The following MORN5 variants were observed in gnomAD, a reference collection of about 807,000 sequenced individuals.
MORN5 encodes the protein MORN repeat containing 5, also known as MORN repeat-containing protein 5.
MORN5 carries 21 observed loss-of-function variants against 22.1 expected under a neutral mutation model. That is an observed-to-expected ratio of 0.95 (90% CI 0.67 to 1.37). The LOEUF (loss-of-function observed/expected upper bound fraction) is 1.37. Ranked by LOEUF, MORN5 falls within the 40% of genes most tolerant of loss-of-function variation. The pLI is 0.00. For synonymous variants in MORN5, 73 were observed against 74.0 expected (o/e 0.99, Z 0.07); for missense variants, 211 against 215.1 (o/e 0.98, Z 0.12).
intron 4 of MORN5, among the ~76,000 whole-genome samples, chr9:122,190,497 A>G (rs906780536): frequency 6.6e-6 from 1 of 152,290 alleles, no homozygotes; most frequent in Admixed American, 6.5e-5. Flanking sequence ...TTAAGTCTGA[A>G]TGCATTAATT....
intron 4 of MORN5, among the ~76,000 whole-genome samples, chr9:122,185,587 C>T (rs1412569471): frequency 6.6e-6 from 1 of 152,026 alleles, no homozygotes; most frequent in Non-Finnish European, 1.5e-5. Context: ...GTCTCGATCT[C>T]CTGACCTCGT....
intron 4 of MORN5, chr9:122,175,695 A>G: frequency 2.0e-6 from 2 of 985,346 alleles, no homozygotes; most frequent in Non-Finnish European, 2.4e-6. Context: ...CTTGCTCTAT[A>G]ATGAGAAAGA....
At chr9:122,198,518 G>A (rs988695321) in intron 4 of MORN5, among the ~76,000 whole-genome samples, 1 of 152,148 alleles carries the variant, frequency 6.6e-6, no homozygotes. Flanking sequence ...AGGGAAGGGA[G>A]GAGTGGCAGG....
intron 4 of MORN5, among the ~76,000 whole-genome samples, chr9:122,185,456 G>A (rs1449572224): frequency 1.4e-5 from 2 of 143,872 alleles, no homozygotes; most frequent in Non-Finnish European, 1.5e-5. Flanking sequence ...TCGATCTCCT[G>A]ACCTCGTGAT....
intron 4 of MORN5, chr9:122,175,820 A>G: frequency 1.6e-6 from 1 of 606,142 alleles, no homozygotes; most frequent in Non-Finnish European, 2.1e-6. Context: ...GGGCTAGAAT[A>G]AGAGCAAGGA....
At chr9:122,164,859 A>G (rs1479420603) in intron 1 of MORN5, among the ~76,000 whole-genome samples, 5 of 152,214 alleles carry the variant, frequency 3.3e-5, no homozygotes, top group South Asian at 2.1e-4. Context: ...TAGTTTCACA[A>G]CCATCGTCTC....
chr9:122,175,456 A>G (rs1350648522), intron 4 of MORN5: 1 of 985,172 alleles, frequency 1.0e-6, no homozygotes. Flanking sequence ...AGATCAATAC[A>G]CAAATAATAG....
rs762033918 is a variant in MORN5 at position 122,174,524 on chromosome 9, A to T, written c.336A>T (p.Pro112=). Residue 112 remains proline, a synonymous_variant, in exon 4 of 5, where the codon CCA becomes CCT. Transcript: ENST00000373764. ...AGMAQLTNMD[P]PRKIPKGYYD... is the part of the protein sequence containing the mutation. ...TGGCTCAACTCACCAATATGGACCC[A>T]CCTAGAAAAATCCCCAAGGGCTATT... 1 of 1,613,966 alleles carries T rather than the reference A, an allele frequency of 6.2e-7. No individual in the cohort carries two copies. The highest frequency in any genetic ancestry group is 1.3e-5 in the African/African-American group (1 of 74,902).
chr9:122,160,791 G>A (rs928851184), intron 1 of MORN5, among the ~76,000 whole-genome samples: 1 of 151,914 alleles, frequency 6.6e-6, no homozygotes, highest in Non-Finnish European at 1.5e-5. Context: ...ATTTTTCAAC[G>A]CCTTTTGTAG....
Position 122,165,371 on chromosome 9 carries a change from C to A in MORN5, c.48-1397C>A, listed in dbSNP as rs551018485. On this transcript the variant is annotated intron_variant, in intron 1 of 4. Coordinates refer to ENST00000373764, the MANE Select transcript of MORN5 (RefSeq NM_198469.4). ...CCCAGAAGTTCTAGATCAGCCTGGG[C>A]AACATAGGGAAACCCCGTCTCTACA... is the stretch of plus-strand genomic sequence containing the variant. 7.7e-5 allele frequency among the ~76,000 whole-genome samples: 7 copies of A among 91,428 alleles called. No individual in the cohort carries two copies. In the East Asian group the frequency reaches 2.4e-3, roughly 32 times the overall value. 60.0% of individuals were successfully genotyped at this position (91,428 alleles called of 152,430 possible). A position where few individuals can be genotyped will look rare whatever the true frequency, so the allele number is the denominator to read the frequency against.
At chr9:122,173,780 G>A (rs1237398866) in intron 3 of MORN5, among the ~76,000 whole-genome samples, 1 of 152,078 alleles carries the variant, frequency 6.6e-6, no homozygotes, top group Non-Finnish European at 1.5e-5. Flanking sequence ...CCCTGATGTT[G>A]GCAGCTGAAC....
At chr9:122,191,170 G>A (rs746464772) in intron 4 of MORN5, among the ~76,000 whole-genome samples, 13 of 152,198 alleles carry the variant, frequency 8.5e-5, no homozygotes, top group Non-Finnish European at 1.5e-4. Flanking sequence ...CACACACTGA[G>A]ACTTTAGGGA....
At chr9:122,173,160 G>A (rs1829391061) in intron 3 of MORN5, among the ~76,000 whole-genome samples, 1 of 152,160 alleles carries the variant, frequency 6.6e-6, no homozygotes, top group Non-Finnish European at 1.5e-5. Context: ...CCCCGAACAT[G>A]CCTGGCTCTC....
At chr9:122,160,728 C>T (rs2118730609) in intron 1 of MORN5, among the ~76,000 whole-genome samples, 1 of 152,236 alleles carries the variant, frequency 6.6e-6, no homozygotes, top group East Asian at 1.9e-4. Flanking sequence ...AATCTTCCCA[C>T]CTCAGCCTCC....
rs769386500 is a variant in MORN5, at chr9:122,169,737, C to G, written c.288C>G (p.Leu96=). The G allele has an allele frequency of 1.9e-6, 3 of 1,613,334 alleles. No homozygotes were observed. The African/African-American group carries it at 4.0e-5, about 22-fold the overall frequency. Residue 96 remains leucine, a synonymous_variant, in exon 3 of 5, where the codon CTC becomes CTG. Coordinates refer to ENST00000373764, the MANE Select transcript of MORN5 (RefSeq NM_198469.4). Reference sequence around the variant, plus strand: ...ATCGGAGGTTTTACACAGAGATCCTCAATGGCTTGAAGCCTGCAGGTACCC... The same window carrying G: ...ATCGGAGGTTTTACACAGAGATCCTGAATGGCTTGAAGCCTGCAGGTACCC... ...GYDRRFYTEI[L]NGLKPAGMAQ...
Position 122,159,958 on chromosome 9 carries a change from C to A in MORN5, c.-15C>A. Reference sequence around the variant, plus strand: ...GACTCCGGATCCTAACAGCTGGAAGCTAAAAACAGGCGCCATGGAGTACAC... The same window carrying A: ...GACTCCGGATCCTAACAGCTGGAAGATAAAAACAGGCGCCATGGAGTACAC... On this transcript the variant is annotated 5_prime_UTR_variant, in exon 1 of 5. Transcript: ENST00000373764. 2 of 1,613,892 alleles carry A rather than the reference C, an allele frequency of 1.2e-6. No homozygotes were observed. Among genetic ancestry groups the A allele is most frequent in the Non-Finnish European group, 1.7e-6 (2 of 1,179,814 alleles).
intron 4 of MORN5, among the ~76,000 whole-genome samples, chr9:122,182,638 C>A (rs1383385995): frequency 6.6e-6 from 1 of 152,230 alleles, no homozygotes; most frequent in African/African-American, 2.4e-5. Flanking sequence ...GTAGTCCCAG[C>A]TACTCGGGAG....
intron 3 of MORN5, among the ~76,000 whole-genome samples, chr9:122,173,119 G>A (rs1435247114): frequency 3.3e-5 from 5 of 152,198 alleles, no homozygotes; most frequent in Non-Finnish European, 5.9e-5. Flanking sequence ...TGCCAGTCTC[G>A]TGGTGGCATT....
At chr9:122,166,702 GT>G (rs1457135407) in intron 1 of MORN5, 65 bp from the exon 2 acceptor site, 1 of 1,474,938 alleles carries the variant, frequency 6.8e-7, no homozygotes, top group African/African-American at 1.4e-5. Context: ...TGCTCACTCT[GT>G]TGCCTGCCAG....
Sources: gnomAD v4.1 joint callset for allele counts (sites outside exome capture counted in the v4.1 genomes callset) on GRCh38, gnomAD v4.1.1 for gene constraint, MANE v1.5 for transcripts, NCBI Gene and HGNC (gene_info 2026-07-23, HGNC 2026-07-21) for gene names.